The following ANKRD46 variants were observed in gnomAD, a reference collection of about 807,000 sequenced individuals.
The protein encoded by ANKRD46 is ankyrin repeat domain 46.
ANKRD46 carries 13 observed loss-of-function variants against 19.8 expected under a neutral mutation model. The ratio of observed to expected loss-of-function variants is 0.66; its 90% CI spans 0.43 to 1.04. The LOEUF is 1.04. Ranked by LOEUF, ANKRD46 falls within the 50% of genes least tolerant of loss-of-function variation. ANKRD46 has a pLI of 0.00. For synonymous variants in ANKRD46, 91 were observed against 106.9 expected, an observed-to-expected ratio of 0.85 and a Z score of 0.92; for missense variants, 185 against 274.8, an observed-to-expected ratio of 0.67 and a Z score of 2.31.
chr8:100,535,680 C>A (rs1812051468), intron 1 of ANKRD46, among the ~76,000 whole-genome samples: 2 of 152,204 alleles, frequency 1.3e-5, no homozygotes. Context: ...TGGGATTGGT[C>A]TTTTCACTCA....
At chr8:100,530,852 G>A (rs1371652188) in intron 2 of ANKRD46, among the ~76,000 whole-genome samples, 1 of 152,140 alleles carries the variant, frequency 6.6e-6, no homozygotes, top group Non-Finnish European at 1.5e-5. Context: ...TCCAAAGACT[G>A]AGAGATGAGG....
At position 100,559,618 on chromosome 8, in the gene ANKRD46, C is replaced by T. The variant is rs1812573962; in HGVS notation, c.-131+93G>A. 6.6e-6 allele frequency: 1 copy of T among 152,512 alleles called. No individual in the cohort carries two copies. Among genetic ancestry groups the T allele is most frequent in the South Asian group, 2.1e-4 (1 of 4,842 alleles). The allele number at this position is 152,512 out of a possible 1,614,324, so 9.4% of individuals were successfully genotyped here. A position where few individuals can be genotyped will look rare whatever the true frequency, so the allele number is the denominator to read the frequency against. On this transcript the variant is annotated intron_variant, in intron 1 of 4. Coordinates refer to ENST00000335659, the MANE Select transcript of ANKRD46 (RefSeq NM_001270377.2). This position sits in a 1 kb window ranked among gnomAD's most constrained non-coding sequence, Gnocchi z 6.0. ...CACCCTCGCCCCTCAGGGCCCCGGCCAGGCCTACTGGACCTCCAGTGCTAC... is the reference window on the plus strand; with the variant it reads ...CACCCTCGCCCCTCAGGGCCCCGGCTAGGCCTACTGGACCTCCAGTGCTAC...
chr8:100,513,144 C>T (rs1292329728), intron 5 of ANKRD46, among the ~76,000 whole-genome samples: 4 of 152,308 alleles, frequency 2.6e-5, no homozygotes, highest in Non-Finnish European at 5.9e-5. Flanking sequence ...CCATAAGAAG[C>T]TGGAGTTTAG....
chr8:100,528,548 A>G (rs1360429526), intron 3 of ANKRD46, among the ~76,000 whole-genome samples: 1 of 151,234 alleles, frequency 6.6e-6, no homozygotes, highest in African/African-American at 2.4e-5. Flanking sequence ...TCCAGGGAAA[A>G]GAAAAAAGAG....
At chr8:100,551,043 C>A in intron 1 of ANKRD46, 1 of 511,674 alleles carries the variant, frequency 2.0e-6, no homozygotes. Context: ...TAGTGAGCTT[C>A]CTGTTCAGCT....
rs1811738899 is a variant in ANKRD46, at chr8:100,522,267, T to C, written c.*288A>G. 6 of 1,183,616 alleles carry C rather than the reference T, an allele frequency of 5.1e-6. No homozygotes were observed. In the South Asian group the frequency reaches 1.3e-4, roughly 26 times the overall value. 73.3% of individuals were successfully genotyped at this position (1,183,616 alleles called of 1,614,324 possible). A position where few individuals can be genotyped will look rare whatever the true frequency, so the allele number is the denominator to read the frequency against. On this transcript the variant is annotated 3_prime_UTR_variant, in exon 5 of 5. Coordinates refer to ENST00000335659, the MANE Select transcript of ANKRD46 (RefSeq NM_001270377.2). ...GGACTTCCTAGCTTCTTCCTTTATC[T>C]TCCATTCTCTAGTCACTTCCGTGTT...
At position 100,529,807 on chromosome 8, in the gene ANKRD46, A is replaced by G. The variant is rs777178558; in HGVS notation, c.27T>C (p.Ser9=). MSYVFVND[S]SQTNVPLLQA... ...GCAGCAAGGGCACGTTAGTCTGAGAAGAATCATTTACAAAAACATACGACA... is the reference window on the plus strand; with the variant it reads ...GCAGCAAGGGCACGTTAGTCTGAGAGGAATCATTTACAAAAACATACGACA... The change falls in exon 3 of 5, where the codon TCT becomes TCC. Residue 9 remains serine, a synonymous_variant. Coordinates refer to ENST00000335659, the MANE Select transcript of ANKRD46 (RefSeq NM_001270377.2). The surrounding 1 kb of genome is among the most constrained non-coding windows in gnomAD (Gnocchi z 5.8). The G allele has an allele frequency of 1.2e-6, 2 of 1,614,140 alleles. No homozygotes were observed. The highest frequency in any genetic ancestry group is 1.3e-5 in the African/African-American group (1 of 75,058).
At chr8:100,517,294 C>T (rs746300277), downstream of ANKRD46, among the ~76,000 whole-genome samples, 27 of 152,232 alleles carry the variant, frequency 1.8e-4, no homozygotes, top group East Asian at 9.6e-4. Flanking sequence ...CCCAAGAGTA[C>T]CAGAAATGTG....
chr8:100,511,958 G>T lies in ANKRD46; in HGVS notation c.637-1319C>A, dbSNP rs116418662. Among the ~76,000 whole-genome samples, 1,161 of 152,336 alleles carry T rather than the reference G, an allele frequency of 7.6e-3. 18 individuals carry two copies. Among genetic ancestry groups the T allele is most frequent in the African/African-American group, 0.026 (1,079 of 41,576 alleles). ...AAGAATTGCTTGAACCCAGGTGGCG[G>T]AGGCTGCGGTGAGCCGAGATTGTGC... On this transcript the variant is annotated intron_variant, in intron 5 of 5. Transcript: ENST00000520552. The surrounding 1 kb of genome is among the most constrained non-coding windows in gnomAD (Gnocchi z 4.1).
Position 100,511,228 on chromosome 8 carries a change from G to A in ANKRD46, c.637-589C>T, listed in dbSNP as rs930277091. 2.0e-5 allele frequency among the ~76,000 whole-genome samples: 3 copies of A among 152,150 alleles called. No homozygotes were observed. The highest frequency in any genetic ancestry group is 6.5e-5 in the Admixed American group (1 of 15,272). On this transcript the variant is annotated intron_variant, in intron 5 of 5. Coordinates refer to the ANKRD46 transcript ENST00000520552. This position sits in a 1 kb window ranked among gnomAD's most constrained non-coding sequence, Gnocchi z 4.1. ...CCATTGAACAGATGGTGTACCTAAGGCTAGGGGAGCAGGGGTAGGTAACCT... is the reference window on the plus strand; with the variant it reads ...CCATTGAACAGATGGTGTACCTAAGACTAGGGGAGCAGGGGTAGGTAACCT...
At chr8:100,538,573 T>C (rs1812110707) in intron 1 of ANKRD46, among the ~76,000 whole-genome samples, 2 of 152,160 alleles carry the variant, frequency 1.3e-5, no homozygotes, top group South Asian at 4.1e-4. Context: ...ACCATCCCTC[T>C]TCAAACAGGG....
In ANKRD46 at chr8:100,552,381, C is replaced by CT. The variant is rs35402744; in HGVS notation, c.-131+7329dup. Among the ~76,000 whole-genome samples, 771 of 140,240 alleles carry CT rather than the reference C, an allele frequency of 5.5e-3. 6 individuals carry two copies. The highest frequency in any genetic ancestry group is 9.5e-3 in the African/African-American group (366 of 38,594). The allele number at this position is 140,240 out of a possible 152,430, so 92.0% of individuals were successfully genotyped here. On this transcript the variant is annotated intron_variant, in intron 1 of 4. Coordinates refer to ENST00000335659, the MANE Select transcript of ANKRD46 (RefSeq NM_001270377.2). ...TTACTATTCTGACTATACTTTGGCG[C>CT]TTTTTTTTTTTTAACATCAGTTATT... is the stretch of plus-strand genomic sequence containing the variant.
chr8:100,528,590 T>TA (rs1811892567), intron 3 of ANKRD46, among the ~76,000 whole-genome samples: 1 of 151,712 alleles, frequency 6.6e-6, no homozygotes, highest in Admixed American at 6.6e-5. Flanking sequence ...ATAAATCTAG[T>TA]TCTAGATTCA....
chr8:100,541,427 T>C (rs1200470789), intron 1 of ANKRD46, among the ~76,000 whole-genome samples: 2 of 152,206 alleles, frequency 1.3e-5, no homozygotes, highest in African/African-American at 2.4e-5. Context: ...ACTGTAGTAG[T>C]CACGTGTCGC....
rs909205050 is a variant in ANKRD46 at position 100,524,497 on chromosome 8, C to T, written c.471-1726G>A. Among the ~76,000 whole-genome samples, 8 of 82,796 alleles carry T rather than the reference C, an allele frequency of 9.7e-5. No homozygotes were observed. Among genetic ancestry groups the T allele is most frequent in the African/African-American group, 5.0e-4 (8 of 16,138 alleles). The allele number at this position is 82,796 out of a possible 152,430, so 54.3% of individuals were successfully genotyped here. ...TCCTAATGGGCCAGTCTGCTTAACA[C>T]CCAAACTTTTTTTTTTTTAATAATT... On this transcript the variant is annotated intron_variant, in intron 4 of 4. Coordinates refer to ENST00000335659, the MANE Select transcript of ANKRD46 (RefSeq NM_001270377.2). The surrounding 1 kb of genome is among the most constrained non-coding windows in gnomAD (Gnocchi z 4.3).
intron 1 of ANKRD46, chr8:100,551,299 A>G (rs1812384502): frequency 1.9e-6 from 1 of 515,646 alleles, no homozygotes; most frequent in African/African-American, 1.9e-5. Flanking sequence ...CTGTTTTCAG[A>G]CTTCTCAGGG....
Position 100,537,188 on chromosome 8 carries a change from C to T in ANKRD46, c.-130-3877G>A, listed in dbSNP as rs557491217. On this transcript the variant is annotated intron_variant, in intron 1 of 4. Coordinates refer to ENST00000335659, the MANE Select transcript of ANKRD46 (RefSeq NM_001270377.2). This position sits in a 1 kb window ranked among gnomAD's most constrained non-coding sequence, Gnocchi z 4.2. ...ATGGAGAGAATATATATACTTATAACTAAAAATTGTTCTATATCCAATATC... is the reference window on the plus strand; with the variant it reads ...ATGGAGAGAATATATATACTTATAATTAAAAATTGTTCTATATCCAATATC... 2.4e-4 allele frequency among the ~76,000 whole-genome samples: 37 copies of T among 152,176 alleles called. No individual in the cohort carries two copies. Among genetic ancestry groups the T allele is most frequent in the Non-Finnish European group, 4.7e-4 (32 of 67,992 alleles).
chr8:100,522,790 CA>C lies in ANKRD46; in HGVS notation c.471-20del. On this transcript the variant is annotated intron_variant, in intron 4 of 4. Transcript: ENST00000335659. ...CATGGCACTGTGGAAGAAGAAAGAG[CA>C]AAAAGGGCATTAAAAAAACACAGCA... 6.5e-7 allele frequency: 1 copy of C among 1,541,362 alleles called. No individual in the cohort carries two copies. The highest frequency in any genetic ancestry group is 1.8e-4 in the Middle Eastern group (1 of 5,646).
At chr8:100,548,976 T>C (rs967467602) in intron 1 of ANKRD46, among the ~76,000 whole-genome samples, 2 of 152,100 alleles carry the variant, frequency 1.3e-5, no homozygotes, top group African/African-American at 4.8e-5. Context: ...TATACACCTA[T>C]TATGTATCCA....
Sources: allele counts gnomAD v4.1 joint callset (sites outside exome capture counted in the v4.1 genomes callset), GRCh38; gene constraint gnomAD v4.1.1; non-coding constraint Gnocchi (gnomAD v3.1); transcripts MANE v1.5; gene names NCBI Gene and HGNC (gene_info 2026-07-23, HGNC 2026-07-21).